The following ARFGAP2 variants were observed in gnomAD, a reference collection of about 807,000 sequenced individuals.
ARFGAP2 encodes the protein ADP-ribosylation factor GTPase-activating protein 2.
In ARFGAP2, 45 loss-of-function variants were observed where a neutral mutation model predicts 71.9. The observed-to-expected ratio is 0.63, with a 90% CI of 0.49 to 0.80. The LOEUF (loss-of-function observed/expected upper bound fraction) is 0.80. Among genes scored for constraint, ARFGAP2 ranks in the 30% least tolerant of loss-of-function variants. ARFGAP2 has a pLI of 0.00. For missense variants in ARFGAP2, 633 were observed against 673.9 expected (o/e 0.94, Z 0.67); for synonymous variants, 248 against 249.2 (o/e 1.00, Z 0.05).
Position 47,166,546 on chromosome 11 carries a change from A to G in ARFGAP2, c.1386T>C (p.Ser462=), listed in dbSNP as rs2135419916. 6.2e-7 allele frequency: 1 copy of G among 1,612,602 alleles called. No homozygotes were observed. Among genetic ancestry groups the G allele is most frequent in the Non-Finnish European group, 8.5e-7 (1 of 1,180,016 alleles). ...QQLSGSSAIS[S]SDLFGDMDGA... is the part of the protein sequence containing the mutation. ...CATCCATGTCCCCAAAGAGGTCTGAAGAGCTGATGGCACTGCTGCCTGAGA... is the reference window on the plus strand; with the variant it reads ...CATCCATGTCCCCAAAGAGGTCTGAGGAGCTGATGGCACTGCTGCCTGAGA... Residue 462 remains serine (S), a synonymous_variant, in exon 14 of 16, where the codon TCT becomes TCC. Transcript: ENST00000524782.
Position 47,172,425 on chromosome 11 carries a change from C to G in ARFGAP2, c.620-92G>C, listed in dbSNP as rs1027308433. ...CCATGCAGCTTCATGGCAAGAGCTC[C>G]TAAGAACAGCTTCAGGCAAGGGAAG... is the stretch of plus-strand genomic sequence containing the variant. On this transcript the variant is annotated intron_variant, in intron 7 of 15. Transcript: ENST00000524782. 6 of 1,443,306 alleles carry G rather than the reference C, an allele frequency of 4.2e-6. No homozygotes were observed. In the African/African-American group the frequency reaches 7.0e-5, roughly 17 times the overall value. 89.4% of individuals were successfully genotyped at this position (1,443,306 alleles called of 1,614,324 possible). A position where few individuals can be genotyped will look rare whatever the true frequency, so the allele number is the denominator to read the frequency against.
rs771960534 is a variant in ARFGAP2 at position 47,176,669 on chromosome 11, G to A, written c.73-35C>T. The A allele has an allele frequency of 2.5e-5, 40 of 1,612,450 alleles. No homozygotes were observed. The Admixed American group carries it at 4.3e-4, about 17-fold the overall frequency. ...GGCGGCGATGAGCGAATCGTCAGGG[G>A]CCCCGAGTAAAGGCCAGGCACCGAC... On this transcript the variant is annotated intron_variant, in intron 1 of 15. Coordinates refer to ENST00000524782, the MANE Select transcript of ARFGAP2 (RefSeq NM_032389.6).
At chr11:47,168,624 G>A (rs574165084) in intron 10 of ARFGAP2, 26 of 190,112 alleles carry the variant, frequency 1.4e-4, no homozygotes, top group African/African-American at 4.2e-4. Flanking sequence ...AGGTTCAAGC[G>A]ATTCTTGTGC....
chr11:47,176,049 C>A, intron 2 of ARFGAP2, 126 bp from the exon 3 acceptor site: 1 of 853,248 alleles, frequency 1.2e-6, no homozygotes, highest in South Asian at 1.5e-5. Flanking sequence ...GCCATCACCC[C>A]ATTTCCTCCA....
intron 8 of ARFGAP2, 29 bp from the exon 9 acceptor site, chr11:47,171,829 C>A: frequency 1.9e-6 from 3 of 1,610,720 alleles, no homozygotes; most frequent in Non-Finnish European, 2.5e-6. Flanking sequence ...AAGGGGCCTT[C>A]CCAATCACAC....
At chr11:47,172,868 C>A in intron 7 of ARFGAP2, 1 of 986,880 alleles carries the variant, frequency 1.0e-6, no homozygotes, top group Non-Finnish European at 1.4e-6. Flanking sequence ...CCAGCCTTCT[C>A]ATGGATCAGT....
At position 47,171,570 on chromosome 11, in the gene ARFGAP2, A is replaced by C; in HGVS notation, c.810-13T>G. On this transcript the variant is annotated splice_polypyrimidine_tract_variant and intron_variant, in intron 9 of 15. Transcript: ENST00000524782. ...CATGGAGGCGACCCTTAGGGGGAAC[A>C]AAGGTGTCAGTGGCCACCACCCATC... The C allele has an allele frequency of 6.2e-7, 1 of 1,614,178 alleles. No individual in the cohort carries two copies. The highest frequency in any genetic ancestry group is 8.5e-7 in the Non-Finnish European group (1 of 1,180,010).
intron 6 of ARFGAP2, 113 bp from the exon 7 acceptor site, chr11:47,173,595 TA>T: frequency 7.1e-7 from 1 of 1,413,212 alleles, no homozygotes; most frequent in South Asian, 1.4e-5. Flanking sequence ...CACCAAAAGA[TA>T]AAAGGAATAT....
intron 1 of ARFGAP2, 36 bp from the exon 2 acceptor site, chr11:47,176,670 C>T (rs775422002): frequency 6.2e-7 from 1 of 1,612,354 alleles, no homozygotes; most frequent in South Asian, 1.1e-5. Flanking sequence ...TCGTCAGGGG[C>T]CCCGAGTAAA....
intron 10 of ARFGAP2, 99 bp from the exon 11 acceptor site, chr11:47,168,350 C>T (rs1041864460): frequency 1.2e-4 from 178 of 1,522,686 alleles, no homozygotes; most frequent in Non-Finnish European, 1.5e-4. Context: ...CTTCACGGAG[C>T]GTCACCCAGA....
In ARFGAP2 at chr11:47,175,880, A is replaced by G; in HGVS notation, c.235T>C (p.Cys79Arg). The change falls in exon 3 of 16, where the codon TGT (cysteine) becomes CGT (arginine). Residue 79 changes from cysteine to arginine, a missense_variant. Transcript: ENST00000524782. Reference protein sequence around the residue: ...DSNWNWFQLRCMQVGGNANAT... With the variant: ...DSNWNWFQLRRMQVGGNANAT... ...TTGGCATTCCCGCCGACCTGCATAC[A>G]CCTCAGCTGGAACCAGTTCCAGTTG... 2.5e-6 allele frequency: 4 copies of G among 1,614,050 alleles called. No homozygotes were observed. The highest frequency in any genetic ancestry group is 1.6e-4 in the Middle Eastern group (1 of 6,062).
chr11:47,168,560 G>A (rs1952478784), intron 10 of ARFGAP2: 4 of 229,696 alleles, frequency 1.7e-5, no homozygotes, highest in Admixed American at 5.1e-5. Flanking sequence ...TCACTCTGTC[G>A]CCCAGGCTGG....
Position 47,176,879 on chromosome 11 carries a change from C to G in ARFGAP2, c.-26G>C. The stretch of plus-strand genomic sequence containing the variant: ...TTTCTCTCCTTCCCAGACACAACCG[C>G]GGCTGACGGGTCCCGCCGCGGGCCA... On this transcript the variant is annotated 5_prime_UTR_variant, in exon 1 of 16. Transcript: ENST00000524782. 6.2e-7 allele frequency: 1 copy of G among 1,605,736 alleles called. No individual in the cohort carries two copies. The highest frequency in any genetic ancestry group is 8.5e-7 in the Non-Finnish European group (1 of 1,176,254).
Position 47,165,251 on chromosome 11 carries a change from C to T in ARFGAP2, c.*231G>A, listed in dbSNP as rs561036664. On this transcript the variant is annotated 3_prime_UTR_variant, in exon 16 of 16. Transcript: ENST00000524782. ...GACAGAAGGACAAGAGTCTAACACACGGAGGGTGGTGTGAGAGGGAATAAA... is the reference window on the plus strand; with the variant it reads ...GACAGAAGGACAAGAGTCTAACACATGGAGGGTGGTGTGAGAGGGAATAAA... 35 of 419,808 alleles carry T rather than the reference C, an allele frequency of 8.3e-5. No homozygotes were observed. Among genetic ancestry groups the T allele is most frequent in the South Asian group, 6.6e-4 (7 of 10,614 alleles). 26.0% of individuals were successfully genotyped at this position (419,808 alleles called of 1,614,324 possible).
At chr11:47,174,826 A>C in intron 5 of ARFGAP2, 189 bp downstream of exon 5, 1 of 666,898 alleles carries the variant, frequency 1.5e-6, no homozygotes, top group Non-Finnish European at 2.6e-6. Flanking sequence ...AAGGAGGGCT[A>C]CACTGCACCT....
rs1952397162 is a variant in ARFGAP2 at position 47,166,755 on chromosome 11, C to G, written c.1332+5G>C. 2 of 1,612,664 alleles carry G rather than the reference C, an allele frequency of 1.2e-6. No homozygotes were observed. Among genetic ancestry groups the G allele is most frequent in the Non-Finnish European group, 1.7e-6 (2 of 1,179,382 alleles). The stretch of plus-strand genomic sequence containing the variant: ...TCGGACCTCAGGGCAGACAGCCCCA[C>G]TTACCTCTGCATCCACCTCCCGCCC... On this transcript the variant is annotated splice_donor_5th_base_variant and intron_variant, in intron 13 of 15. Transcript: ENST00000524782.
At chr11:47,176,073 A>G in intron 2 of ARFGAP2, 150 bp from the exon 3 acceptor site, 3 of 703,146 alleles carry the variant, frequency 4.3e-6, no homozygotes, top group East Asian at 2.7e-5. Flanking sequence ...TACCCTGTCC[A>G]TGAAAACTCT....
At chr11:47,172,170 C>T (rs909569442) in intron 8 of ARFGAP2, 111 bp downstream of exon 8, 2 of 1,112,336 alleles carry the variant, frequency 1.8e-6, no homozygotes, top group Middle Eastern at 2.0e-4. Context: ...CGGAGAAACA[C>T]AGTACCTTTG....
chr11:47,166,161 C>T (rs1952365894), intron 15 of ARFGAP2, 107 bp downstream of exon 15: 6 of 1,194,188 alleles, frequency 5.0e-6, no homozygotes, highest in African/African-American at 1.5e-5. Context: ...CACACCCGGC[C>T]GAAAATGCTC....
Sources: allele counts gnomAD v4.1 joint callset, GRCh38; gene constraint gnomAD v4.1.1; transcripts MANE v1.5; gene names NCBI Gene and HGNC (gene_info 2026-07-23, HGNC 2026-07-21).